Variants in MAMLD1 observed in about 807,000 individuals in gnomAD.
MAMLD1 encodes the protein mastermind like domain containing 1, also known as mastermind-like domain-containing protein 1.
Under a neutral mutation model 45.0 loss-of-function variants are expected in MAMLD1, and 14 were observed. The observed-to-expected ratio is 0.31, with a 90% CI of 0.21 to 0.49. MAMLD1 has a LOEUF of 0.49. Ranked by LOEUF, MAMLD1 falls within the 20% of genes least tolerant of loss-of-function variation. The probability of loss-of-function intolerance (pLI) is 0.99; values close to 1 mark genes in which losing one functional copy is unlikely to be tolerated. For synonymous variants in MAMLD1, 254 were observed against 247.8 expected (o/e 1.02, Z -0.24); for missense variants, 543 against 603.6 (o/e 0.90, Z 1.05).
intron 1 of MAMLD1, among the ~76,000 whole-genome samples, chrX:150,434,180 G>T (rs1263897704): frequency 8.9e-6 from 1 of 111,733 alleles, no homozygotes; most frequent in Non-Finnish European, 1.9e-5. Context: ...AGGTTTACTA[G>T]CTTTTGTGCA....
chrX:150,401,691 CA>C (rs1192292530), intron 1 of MAMLD1, among the ~76,000 whole-genome samples: 8 of 111,729 alleles, frequency 7.2e-5, no homozygotes, highest in African/African-American at 2.3e-4. Flanking sequence ...CTACAGTAAC[CA>C]AAACAGCATG....
At chrX:150,415,317 G>A (rs1426881336) in intron 1 of MAMLD1, among the ~76,000 whole-genome samples, 2 of 112,697 alleles carry the variant, frequency 1.8e-5, no homozygotes, top group Non-Finnish European at 3.7e-5. Context: ...AATATAAAAT[G>A]AATTCCATAA....
chrX:150,389,555 T>C (rs2033085572), intron 1 of MAMLD1, among the ~76,000 whole-genome samples: 1 of 112,374 alleles, frequency 8.9e-6, no homozygotes, highest in African/African-American at 3.2e-5. Context: ...GCCCAGGATG[T>C]GGCCTATCTC....
chrX:150,368,384 T>A (rs1280240079), intron 1 of MAMLD1, among the ~76,000 whole-genome samples: 1 of 109,744 alleles, frequency 9.1e-6, no homozygotes, highest in Non-Finnish European at 1.9e-5. Flanking sequence ...GTTCATATCC[T>A]TCGCCCAATT....
At chrX:150,447,347 G>A (rs1457585740) in intron 2 of MAMLD1, among the ~76,000 whole-genome samples, 3 of 111,887 alleles carry the variant, frequency 2.7e-5, no homozygotes, top group African/African-American at 9.8e-5. Flanking sequence ...AAAACTTCAA[G>A]CTGTCCTAGA....
At chrX:150,491,847 T>C (rs1309389044) in intron 5 of MAMLD1, among the ~76,000 whole-genome samples, 1 of 111,014 alleles carries the variant, frequency 9.0e-6, no homozygotes. Context: ...GAAAAGAGAG[T>C]TACCTTTTTC....
chrX:150,504,695 C>T, intron 6 of MAMLD1: 1 of 751,351 alleles, frequency 1.3e-6, no homozygotes, highest in Non-Finnish European at 1.6e-6. Flanking sequence ...TATCAGCTAG[C>T]TTGCCTTGAG....
At chrX:150,510,538 G>A (rs1006374779) in intron 7 of MAMLD1, among the ~76,000 whole-genome samples, 1 of 112,307 alleles carries the variant, frequency 8.9e-6, no homozygotes, top group Non-Finnish European at 1.9e-5. Context: ...TCCACAGATA[G>A]ATAGCAGGGG....
chrX:150,505,189 C>G (rs1034704842), intron 6 of MAMLD1: 1 of 392,288 alleles, frequency 2.5e-6, no homozygotes, highest in Non-Finnish European at 3.2e-6. Context: ...CCAGTTCAAA[C>G]CTGAGGGCAG....
At chrX:150,392,435 G>T (rs1557402195) in intron 1 of MAMLD1, among the ~76,000 whole-genome samples, 1 of 110,900 alleles carries the variant, frequency 9.0e-6, no homozygotes, top group East Asian at 2.9e-4. Context: ...GCCCCATCTC[G>T]TACCACCTCA....
intron 5 of MAMLD1, among the ~76,000 whole-genome samples, chrX:150,481,931 TAAGAAAGAAAGAAAAAAGA>T (rs1402890940): frequency 1.8e-4 from 9 of 48,697 alleles, no homozygotes; most frequent in African/African-American, 6.2e-4. Flanking sequence ...ACAGAGAAAG[TAAGAAAGAAAGAAAAAAGA>T]AAGAAAGAAA....
chrX:150,482,746 G>A (rs1027795952), intron 5 of MAMLD1, among the ~76,000 whole-genome samples: 2 of 112,171 alleles, frequency 1.8e-5, no homozygotes, highest in African/African-American at 6.5e-5. Context: ...TCTTACTGAG[G>A]TGCATGTTTG....
intron 5 of MAMLD1, among the ~76,000 whole-genome samples, chrX:150,483,951 G>A (rs2036902496): frequency 8.9e-6 from 1 of 112,324 alleles, no homozygotes; most frequent in Non-Finnish European, 1.9e-5. Flanking sequence ...CCACTTTGGG[G>A]TGGTGCTGAT....
At chrX:150,424,881 A>G (rs781793564) in intron 1 of MAMLD1, among the ~76,000 whole-genome samples, 3 of 112,126 alleles carry the variant, frequency 2.7e-5, no homozygotes, top group Non-Finnish European at 5.6e-5. Flanking sequence ...ACCCATTAGT[A>G]GTCAGTCCAC....
chrX:150,361,920 G>A (rs782346693), upstream of MAMLD1, among the ~76,000 whole-genome samples: 45 of 112,998 alleles, frequency 4.0e-4, no homozygotes, highest in Admixed American at 1.1e-3. Context: ...AGCCCAGCTT[G>A]GGCGGGAGCA....
At chrX:150,374,242 C>A (rs1557401406) in intron 1 of MAMLD1, among the ~76,000 whole-genome samples, 2 of 112,820 alleles carry the variant, frequency 1.8e-5, no homozygotes, top group African/African-American at 6.4e-5. Flanking sequence ...TCTCGAGGAT[C>A]TTTTGTCACA....
chrX:150,489,413 AG>A (rs2148334924), intron 5 of MAMLD1, among the ~76,000 whole-genome samples: 1 of 109,809 alleles, frequency 9.1e-6, no homozygotes, highest in East Asian at 2.9e-4. Context: ...TCTTCTTATA[AG>A]GGCACTAATC....
At chrX:150,502,358 A>G (rs1021484696) in intron 5 of MAMLD1, among the ~76,000 whole-genome samples, 5 of 112,146 alleles carry the variant, frequency 4.5e-5, no homozygotes, top group Non-Finnish European at 7.5e-5. Context: ...GTGTTCCTTC[A>G]TGTAGAAAGA....
chrX:150,372,042 T>G (rs1211935725), intron 1 of MAMLD1, among the ~76,000 whole-genome samples: 2 of 111,926 alleles, frequency 1.8e-5, no homozygotes, highest in East Asian at 5.6e-4. Context: ...TGCACCCATG[T>G]GTGGGCAGAC....
Sources: allele counts gnomAD v4.1 joint callset (sites outside exome capture counted in the v4.1 genomes callset), GRCh38; gene constraint gnomAD v4.1.1; transcripts MANE v1.5; gene names NCBI Gene and HGNC (gene_info 2026-07-23, HGNC 2026-07-21).